The following EFR3A variants were observed in gnomAD, a reference collection of about 807,000 sequenced individuals.
EFR3A encodes the protein EFR3 homolog A, also known as protein EFR3 homolog A.
In EFR3A, 76 loss-of-function variants were observed where a neutral mutation model predicts 104.4. That is an observed-to-expected ratio of 0.73 (90% CI 0.60 to 0.88). The LOEUF (loss-of-function observed/expected upper bound fraction) is 0.88, where lower values mean the gene tolerates loss of function less well. EFR3A is among the 40% of genes least tolerant of loss of function. The probability of loss-of-function intolerance (pLI) is 0.00; values close to 1 mark genes in which losing one functional copy is unlikely to be tolerated. For missense variants in EFR3A, 985 were observed against 1,012.5 expected, an observed-to-expected ratio of 0.97 and a Z score of 0.37; for synonymous variants, 330 against 330.0, an observed-to-expected ratio of 1.00 and a Z score of 0.00.
chr8:131,925,441 A>C (rs1817249324), intron 1 of EFR3A, among the ~76,000 whole-genome samples: 1 of 152,136 alleles, frequency 6.6e-6, no homozygotes, highest in East Asian at 1.9e-4. Context: ...TCTTGCAGGC[A>C]GGTAATGCAT....
chr8:131,987,604 A>C lies in EFR3A; in HGVS notation c.1967A>C (p.Lys656Thr), dbSNP rs2130765907. The C allele has an allele frequency of 3.8e-6, 6 of 1,597,648 alleles. No homozygotes were observed. The highest frequency in any genetic ancestry group is 5.1e-6 in the Non-Finnish European group (6 of 1,171,094). ...MLPKSLEKHE[K>T]DLYFLTNKIA... is the part of the protein sequence containing the mutation. ...CCAAAATCTTTAGAGAAGCATGAAA[A>C]AGATTTGTACTTTCTGACCAACAAG... The change falls in exon 18 of 23, where the codon AAA becomes ACA. Residue 656 changes from lysine (K) to threonine (T), a missense_variant. Physicochemically the swap from Lys to Thr is moderately conservative, Grantham distance 78. Transcript: ENST00000254624.
intron 1 of EFR3A, among the ~76,000 whole-genome samples, chr8:131,921,915 A>G (rs746518708): frequency 6.6e-6 from 1 of 152,174 alleles, no homozygotes; most frequent in Non-Finnish European, 1.5e-5. Flanking sequence ...TCTTATGTGT[A>G]TTAGTTTTCT....
intron 1 of EFR3A, among the ~76,000 whole-genome samples, chr8:131,933,821 C>T (rs1817739893): frequency 6.6e-6 from 1 of 150,408 alleles, no homozygotes; most frequent in African/African-American, 2.4e-5. Context: ...TTTTTTTCTA[C>T]AGTTTCCCAG....
intron 1 of EFR3A, among the ~76,000 whole-genome samples, chr8:131,927,425 C>G (rs1817356085): frequency 6.6e-6 from 1 of 152,126 alleles, no homozygotes. Flanking sequence ...AAATCTTCCT[C>G]TAGGTTACTG....
At chr8:131,963,278 A>T (rs1367690236) in intron 8 of EFR3A, among the ~76,000 whole-genome samples, 4 of 152,150 alleles carry the variant, frequency 2.6e-5, no homozygotes, top group African/African-American at 9.7e-5. Context: ...CAGTGAATCC[A>T]GGAGCTGGTT....
At chr8:131,986,881 C>T (rs1243496848) in intron 17 of EFR3A, among the ~76,000 whole-genome samples, 2 of 151,492 alleles carry the variant, frequency 1.3e-5, no homozygotes, top group African/African-American at 4.9e-5. Flanking sequence ...TTTATGTTCT[C>T]ATATGTAAAT....
intron 18 of EFR3A, among the ~76,000 whole-genome samples, chr8:131,988,037 AAATTGTTT>A (rs1820984362): frequency 2.0e-5 from 3 of 152,060 alleles, no homozygotes; most frequent in Admixed American, 6.5e-5. Flanking sequence ...AAATTGATGA[AAATTGTTT>A]AATGATAAGT....
intron 19 of EFR3A, 62 bp from the exon 20 acceptor site, chr8:132,001,697 G>A (rs1821787645): frequency 1.4e-6 from 2 of 1,409,166 alleles, no homozygotes; most frequent in Admixed American, 1.7e-5. Context: ...TTGTAACTAG[G>A]TAAAGGTGTT....
intron 1 of EFR3A, among the ~76,000 whole-genome samples, chr8:131,907,787 C>A (rs1214782115): frequency 2.0e-5 from 3 of 151,256 alleles, no homozygotes; most frequent in African/African-American, 7.3e-5. Context: ...TTCCCCTCTT[C>A]CCCCCTTTCC....
intron 8 of EFR3A, among the ~76,000 whole-genome samples, chr8:131,960,353 T>C (rs955632291): frequency 6.9e-6 from 1 of 145,910 alleles, no homozygotes; most frequent in Admixed American, 6.8e-5. Context: ...TGGGGGCTGA[T>C]TTTTTTCCTC....
Position 131,991,623 on chromosome 8 carries a change from G to C in EFR3A, c.2065+3921G>C, listed in dbSNP as rs557879850. On this transcript the variant is annotated intron_variant, in intron 18 of 22. Transcript: ENST00000254624. The stretch of plus-strand genomic sequence containing the variant: ...AAATTTTAAAAACAGCAACATAGGG[G>C]ATTTTGCTAAAGCCTTCAGGGAGGA... Among the ~76,000 whole-genome samples the C allele has an allele frequency of 4.6e-5, 7 of 152,154 alleles. No individual in the cohort carries two copies. In the East Asian group the frequency reaches 7.8e-4, roughly 17 times the overall value.
intron 18 of EFR3A, among the ~76,000 whole-genome samples, chr8:131,989,913 C>G (rs1821078203): frequency 6.6e-6 from 1 of 152,116 alleles, no homozygotes; most frequent in Non-Finnish European, 1.5e-5. Flanking sequence ...TTGTATTTTA[C>G]TTATCTCTTA....
At chr8:131,941,859 T>C (rs979350178) in intron 2 of EFR3A, among the ~76,000 whole-genome samples, 3 of 152,166 alleles carry the variant, frequency 2.0e-5, no homozygotes, top group Non-Finnish European at 4.4e-5. Context: ...GCAAGACATA[T>C]ATTTGAAGCC....
intron 8 of EFR3A, among the ~76,000 whole-genome samples, chr8:131,960,738 A>G (rs1819270249): frequency 6.6e-6 from 1 of 152,174 alleles, no homozygotes; most frequent in African/African-American, 2.4e-5. Flanking sequence ...ATAGTAAGGC[A>G]TTTCTGGTAA....
Position 132,013,440 on chromosome 8 carries a change from T to A in EFR3A, c.*2545T>A, listed in dbSNP as rs1260315132. On this transcript the variant is annotated 3_prime_UTR_variant, in exon 23 of 23. Coordinates refer to ENST00000254624, the MANE Select transcript of EFR3A (RefSeq NM_015137.6). Reference sequence around the variant, plus strand: ...AACTTCTCCCTACCCAAAATGTTTTTCTTCCTGTCTGAAAATGGAACTAAT... The same window carrying A: ...AACTTCTCCCTACCCAAAATGTTTTACTTCCTGTCTGAAAATGGAACTAAT... 5 of 152,638 alleles carry A rather than the reference T, an allele frequency of 3.3e-5. No homozygotes were observed. The highest frequency in any genetic ancestry group is 7.3e-5 in the Non-Finnish European group (5 of 68,030). 9.5% of individuals were successfully genotyped at this position (152,638 alleles called of 1,614,324 possible).
chr8:131,981,226 A>C (rs1820597181), intron 14 of EFR3A, among the ~76,000 whole-genome samples: 1 of 151,904 alleles, frequency 6.6e-6, no homozygotes, highest in South Asian at 2.1e-4. Flanking sequence ...ACTGGATTTC[A>C]TTTTATCCAT....
intron 1 of EFR3A, among the ~76,000 whole-genome samples, chr8:131,920,684 A>ATT (rs549862328): frequency 1.4e-5 from 2 of 141,722 alleles, no homozygotes; most frequent in South Asian, 2.2e-4. Flanking sequence ...GACAGTTCAG[A>ATT]TTTTTTTTTT....
intron 22 of EFR3A, among the ~76,000 whole-genome samples, chr8:132,010,030 A>G (rs1012908944): frequency 6.6e-6 from 1 of 152,050 alleles, no homozygotes; most frequent in Non-Finnish European, 1.5e-5. Context: ...GAAATGTAAA[A>G]TGGATACTAC....
At chr8:131,949,156 A>C (rs1818578784) in intron 4 of EFR3A, among the ~76,000 whole-genome samples, 1 of 152,130 alleles carries the variant, frequency 6.6e-6, no homozygotes, top group Admixed American at 6.5e-5. Context: ...TAAATAATAC[A>C]TAATGGTAAT....
Sources: allele counts gnomAD v4.1 joint callset (sites outside exome capture counted in the v4.1 genomes callset), GRCh38; gene constraint gnomAD v4.1.1; transcripts MANE v1.5; gene names NCBI Gene and HGNC (gene_info 2026-07-23, HGNC 2026-07-21).